Variants in PMFBP1 observed in about 807,000 individuals in gnomAD.
PMFBP1 encodes polyamine-modulated factor 1-binding protein 1.
In PMFBP1, 131 loss-of-function variants were observed where a neutral mutation model predicts 137.8. The observed-to-expected ratio is 0.95, with a 90% CI of 0.82 to 1.10. The LOEUF (loss-of-function observed/expected upper bound fraction) is 1.10. PMFBP1 is among the 50% of genes least tolerant of loss of function. The probability of loss-of-function intolerance (pLI) is 0.00; values close to 1 mark genes in which losing one functional copy is unlikely to be tolerated. For missense variants in PMFBP1, 1,199 were observed against 1,175.4 expected, an observed-to-expected ratio of 1.02 and a Z score of -0.29; for synonymous variants, 490 against 450.4, an observed-to-expected ratio of 1.09 and a Z score of -1.11.
At chr16:72,237,459 G>T in the PMFBP1 span, among the ~76,000 whole-genome samples, 1 of 152,022 alleles carries the variant, frequency 6.6e-6, no homozygotes, top group African/African-American at 2.4e-5. Flanking sequence ...AATTCTAGGT[G>T]CTGGCTCTTT....
chr16:72,186,519 T>C, the PMFBP1 span, among the ~76,000 whole-genome samples: 1 of 151,936 alleles, frequency 6.6e-6, no homozygotes, highest in African/African-American at 2.4e-5. Flanking sequence ...GAGTCTGAAA[T>C]TTATCTAGAG....
chr16:72,208,404 T>C, the PMFBP1 span, among the ~76,000 whole-genome samples: 1 of 152,242 alleles, frequency 6.6e-6, no homozygotes, highest in African/African-American at 2.4e-5. Context: ...AAAGAGACCT[T>C]CTGACTTGAT....
chr16:72,214,492 G>C, the PMFBP1 span, among the ~76,000 whole-genome samples: 3 of 152,146 alleles, frequency 2.0e-5, no homozygotes, highest in Non-Finnish European at 4.4e-5. Context: ...CAAGCACAGG[G>C]TAGAAGGAAC....
chr16:72,150,576 G>C (rs375957600), intron 5 of PMFBP1, 32 bp downstream of exon 5: 1 of 1,599,566 alleles, frequency 6.3e-7, no homozygotes, highest in East Asian at 2.2e-5. Context: ...ACATCCACTT[G>C]CCTGGATTGA....
intron 3 of PMFBP1, among the ~76,000 whole-genome samples, chr16:72,164,185 A>G (rs2043107328): frequency 6.6e-6 from 1 of 152,200 alleles, no homozygotes; most frequent in African/African-American, 2.4e-5. Flanking sequence ...GGAGAAAGGA[A>G]GGTGGGAGAT....
chr16:72,169,871 A>T (rs529541089), intron 2 of PMFBP1, among the ~76,000 whole-genome samples: 187 of 152,328 alleles, frequency 1.2e-3, no homozygotes, highest in African/African-American at 4.5e-3. Context: ...TACTTAGAAC[A>T]CTGTCTGACA....
chr16:72,203,958 G>A, the PMFBP1 span, among the ~76,000 whole-genome samples: 1 of 152,180 alleles, frequency 6.6e-6, no homozygotes, highest in South Asian at 2.1e-4. Context: ...GATGTTCCCA[G>A]GGAGGAGAGC....
At chr16:72,213,535 G>A in the PMFBP1 span, among the ~76,000 whole-genome samples, 18 of 152,262 alleles carry the variant, frequency 1.2e-4, no homozygotes, top group East Asian at 3.5e-3. Flanking sequence ...TCACTGGAGT[G>A]GGCTTGGAAG....
At chr16:72,123,752 T>C (rs2042412062) in intron 17 of PMFBP1, 103 bp from the exon 18 acceptor site, 1 of 1,039,932 alleles carries the variant, frequency 9.6e-7, no homozygotes, top group Admixed American at 2.5e-5. Flanking sequence ...AAAGAAAACT[T>C]GACTCTGCTG....
chr16:72,153,843 C>A (rs556543321), intron 4 of PMFBP1, among the ~76,000 whole-genome samples: 2 of 148,564 alleles, frequency 1.3e-5, no homozygotes, highest in East Asian at 3.9e-4. Context: ...GGACCTTATA[C>A]CTCTTTGATA....
chr16:72,222,217 C>T, the PMFBP1 span, among the ~76,000 whole-genome samples: 163 of 152,190 alleles, frequency 1.1e-3, no homozygotes, highest in South Asian at 1.9e-3. Context: ...AAGGGACCTT[C>T]CTGCCTCACC....
intron 3 of PMFBP1, among the ~76,000 whole-genome samples, chr16:72,155,810 C>T (rs1248907788): frequency 6.6e-6 from 1 of 152,062 alleles, no homozygotes; most frequent in Non-Finnish European, 1.5e-5. Flanking sequence ...TGTTTTAGAA[C>T]ATTTCTATCA....
intron 10 of PMFBP1, 147 bp downstream of exon 10, chr16:72,132,601 G>T: frequency 1.5e-6 from 2 of 1,296,498 alleles, no homozygotes; most frequent in South Asian, 1.4e-5. Flanking sequence ...CTGCTGTGAG[G>T]TATAGGATGA....
the PMFBP1 span, among the ~76,000 whole-genome samples, chr16:72,247,187 T>C: frequency 6.6e-6 from 1 of 152,214 alleles, no homozygotes; most frequent in South Asian, 2.1e-4. Flanking sequence ...TAAGGATCTC[T>C]GTCTAATGCA....
At chr16:72,177,200 A>G (rs1356553019), upstream of PMFBP1, among the ~76,000 whole-genome samples, 3 of 152,210 alleles carry the variant, frequency 2.0e-5, no homozygotes, top group Non-Finnish European at 2.9e-5. Context: ...TTTACGAGAT[A>G]TATTCTTTCT....
chr16:72,135,293 A>G (rs534785113), intron 9 of PMFBP1, among the ~76,000 whole-genome samples: 10 of 151,562 alleles, frequency 6.6e-5, no homozygotes, highest in African/African-American at 2.4e-4. Flanking sequence ...CTCCTGCCTC[A>G]GCCTCCCAAG....
the PMFBP1 span, among the ~76,000 whole-genome samples, chr16:72,202,594 T>C: frequency 7.9e-5 from 12 of 152,178 alleles, no homozygotes; most frequent in Admixed American, 2.6e-4. Flanking sequence ...CAACACTTCA[T>C]TGGGATAGGA....
At chr16:72,237,604 G>A in the PMFBP1 span, among the ~76,000 whole-genome samples, 1 of 152,006 alleles carries the variant, frequency 6.6e-6, no homozygotes. Flanking sequence ...ATGTCGTTTT[G>A]TATCTACTTG....
chr16:72,166,587 T>C (rs1250155428), intron 2 of PMFBP1, among the ~76,000 whole-genome samples: 3 of 152,224 alleles, frequency 2.0e-5, no homozygotes, highest in African/African-American at 4.8e-5. Flanking sequence ...AAAACCAGCA[T>C]GGAAGAGGGG....
Sources: allele counts gnomAD v4.1 joint callset (sites outside exome capture counted in the v4.1 genomes callset), GRCh38; gene constraint gnomAD v4.1.1; transcripts MANE v1.5; gene names NCBI Gene and HGNC (gene_info 2026-07-23, HGNC 2026-07-21).